The following SEPTIN11 variants were observed in gnomAD, a reference collection of about 807,000 sequenced individuals.
The protein encoded by SEPTIN11 is septin-11.
In SEPTIN11, 25 loss-of-function variants were observed where a neutral mutation model predicts 51.4. The observed-to-expected ratio is 0.49, with a 90% confidence interval of 0.35 to 0.68. The LOEUF (loss-of-function observed/expected upper bound fraction) is 0.68, where lower values mean the gene tolerates loss of function less well. Among genes scored for constraint, SEPTIN11 ranks in the 30% least tolerant of loss-of-function variants. The pLI is 0.00. For missense variants in SEPTIN11, 381 were observed against 520.8 expected (o/e 0.73, Z 2.61); for synonymous variants, 174 against 184.1 (o/e 0.95, Z 0.44).
At chr4:76,961,088 T>C (rs980607185) in intron 1 of SEPTIN11, among the ~76,000 whole-genome samples, 3 of 152,214 alleles carry the variant, frequency 2.0e-5, no homozygotes, top group Non-Finnish European at 2.9e-5. Flanking sequence ...CCTCCATGAC[T>C]GGGAGGATCT....
At chr4:77,033,066 T>C (rs1396243975) in intron 9 of SEPTIN11, among the ~76,000 whole-genome samples, 1 of 152,210 alleles carries the variant, frequency 6.6e-6, no homozygotes, top group East Asian at 1.9e-4. Context: ...ATGGCACATA[T>C]TTTTTGTATA....
chr4:77,034,766 G>C lies in SEPTIN11; in HGVS notation c.*254G>C. ...AGTAAATGATTTGCTTTTTATGCCT[G>C]TTCTGAATGGCAGCACGAAGCAGGC... is the stretch of plus-strand genomic sequence containing the variant. On this transcript the variant is annotated 3_prime_UTR_variant, in exon 10 of 10. Transcript: ENST00000264893. 8.4e-7 allele frequency: 1 copy of C among 1,190,176 alleles called. No homozygotes were observed. Among genetic ancestry groups the C allele is most frequent in the Non-Finnish European group, 1.0e-6 (1 of 959,768 alleles). The allele number at this position is 1,190,176 out of a possible 1,614,324, so 73.7% of individuals were successfully genotyped here.
At position 77,035,963 on chromosome 4, in the gene SEPTIN11, C is replaced by T. The variant is rs1000799282; in HGVS notation, c.*1451C>T. 13 of 985,744 alleles carry T rather than the reference C, an allele frequency of 1.3e-5. No homozygotes were observed. The highest frequency in any genetic ancestry group is 1.4e-5 in the Non-Finnish European group (12 of 829,964). 61.1% of individuals were successfully genotyped at this position (985,744 alleles called of 1,614,324 possible). On this transcript the variant is annotated 3_prime_UTR_variant, in exon 10 of 10. Coordinates refer to ENST00000264893, the MANE Select transcript of SEPTIN11 (RefSeq NM_018243.4). ...GAACCCACTGCCCCTCTGCATTTTC[C>T]TCACTGGTTAGAGATTAAGTAAATA...
intron 1 of SEPTIN11, among the ~76,000 whole-genome samples, chr4:76,968,809 A>ATAG (rs1722130030): frequency 1.3e-5 from 2 of 152,240 alleles, no homozygotes; most frequent in Admixed American, 6.5e-5. Flanking sequence ...AACTACAAAA[A>ATAG]TAGTAGCTTC....
intron 1 of SEPTIN11, among the ~76,000 whole-genome samples, chr4:76,979,983 G>A (rs1722691021): frequency 6.6e-6 from 1 of 152,090 alleles, no homozygotes; most frequent in Non-Finnish European, 1.5e-5. Context: ...TGAATGCCTT[G>A]TTTGTTTTTG....
At chr4:77,012,971 C>G (rs376219076) in intron 4 of SEPTIN11, among the ~76,000 whole-genome samples, 3 of 152,218 alleles carry the variant, frequency 2.0e-5, no homozygotes, top group South Asian at 2.1e-4. Context: ...GGAGCTGTGC[C>G]ATTAGCCATG....
At chr4:77,029,083 A>T (rs543060582) in intron 8 of SEPTIN11, among the ~76,000 whole-genome samples, 1 of 152,306 alleles carries the variant, frequency 6.6e-6, no homozygotes, top group South Asian at 2.1e-4. Context: ...CAAGTCTTAA[A>T]ACATGAGATT....
intron 1 of SEPTIN11, among the ~76,000 whole-genome samples, chr4:76,986,185 A>G (rs923685242): frequency 1.3e-5 from 2 of 152,126 alleles, no homozygotes; most frequent in Admixed American, 1.3e-4. Context: ...ATAACTGTGC[A>G]GATTTTATCA....
chr4:76,952,841 A>T lies in SEPTIN11; in HGVS notation c.27+2911A>T, dbSNP rs143895199. 8.6e-3 allele frequency among the ~76,000 whole-genome samples: 1,314 copies of T among 152,294 alleles called. 14 individuals are homozygous for T. Among genetic ancestry groups the T allele is most frequent in the African/African-American group, 0.03 (1,258 of 41,558 alleles). ...CCCAAGGGATGTGTCTGCATTTTGGATGAATTAGCATTTTTGCGTCCAAAT... is the reference window on the plus strand; with the variant it reads ...CCCAAGGGATGTGTCTGCATTTTGGTTGAATTAGCATTTTTGCGTCCAAAT... On this transcript the variant is annotated intron_variant, in intron 1 of 9. Transcript: ENST00000264893.
chr4:77,022,361 G>A (rs1439093841), intron 7 of SEPTIN11, among the ~76,000 whole-genome samples: 1 of 152,112 alleles, frequency 6.6e-6, no homozygotes, highest in Non-Finnish European at 1.5e-5. Flanking sequence ...ACCCATCTGG[G>A]CCTGAGTTTC....
chr4:76,964,921 G>A (rs1449668483), intron 1 of SEPTIN11, among the ~76,000 whole-genome samples: 1 of 152,202 alleles, frequency 6.6e-6, no homozygotes, highest in African/African-American at 2.4e-5. Context: ...CCTGAGAGAA[G>A]TAGCTTGATT....
At chr4:77,030,054 C>T (rs754471942) in intron 8 of SEPTIN11, among the ~76,000 whole-genome samples, 3 of 150,516 alleles carry the variant, frequency 2.0e-5, no homozygotes, top group African/African-American at 7.5e-5. Flanking sequence ...GTCAGGAGTT[C>T]GAGACCAGCC....
At chr4:76,968,745 G>A (rs965373813) in intron 1 of SEPTIN11, among the ~76,000 whole-genome samples, 9 of 152,198 alleles carry the variant, frequency 5.9e-5, no homozygotes, top group African/African-American at 1.7e-4. Flanking sequence ...TGATTTTACA[G>A]AATGTCCTAG....
chr4:77,006,363 C>G (rs1724478471), intron 3 of SEPTIN11, among the ~76,000 whole-genome samples: 1 of 151,928 alleles, frequency 6.6e-6, no homozygotes, highest in African/African-American at 2.4e-5. Flanking sequence ...TATCTTTTGC[C>G]CTTATTTGAG....
At position 77,011,780 on chromosome 4, in the gene SEPTIN11, C is replaced by T; in HGVS notation, c.384C>T (p.Tyr128=). The part of the protein sequence containing the change: ...VEYIDAQFEA[Y]LQEELKIKRS... The stretch of plus-strand genomic sequence containing the variant: ...ATATTGATGCCCAGTTCGAGGCCTA[C>T]CTGCAAGAGGAATTGAAGATTAAAC... Residue 128 remains tyrosine (Y), a synonymous_variant, in exon 4 of 10, where the codon TAC becomes TAT. Transcript: ENST00000264893. 2 of 1,614,108 alleles carry T rather than the reference C, an allele frequency of 1.2e-6. No homozygotes were observed. The highest frequency in any genetic ancestry group is 1.7e-6 in the Non-Finnish European group (2 of 1,179,976).
intron 9 of SEPTIN11, among the ~76,000 whole-genome samples, chr4:77,032,884 A>G (rs1179550971): frequency 6.6e-6 from 1 of 151,562 alleles, no homozygotes; most frequent in Non-Finnish European, 1.5e-5. Context: ...GCCCTTTTGA[A>G]CATGTTAGGT....
intron 1 of SEPTIN11, among the ~76,000 whole-genome samples, chr4:76,970,288 T>C (rs113324719): frequency 1.4e-4 from 21 of 152,346 alleles, no homozygotes; most frequent in African/African-American, 4.3e-4. Flanking sequence ...TACTGTGTTG[T>C]ACCATAATAG....
chr4:76,951,994 G>T (rs901171209), intron 1 of SEPTIN11, among the ~76,000 whole-genome samples: 1 of 152,198 alleles, frequency 6.6e-6, no homozygotes, highest in South Asian at 2.1e-4. Flanking sequence ...AAAGACAGAA[G>T]ACTTTTCTTT....
chr4:77,025,633 A>G, intron 7 of SEPTIN11, among the ~76,000 whole-genome samples: 1 of 152,092 alleles, frequency 6.6e-6, no homozygotes, highest in East Asian at 1.9e-4. Context: ...GACTGGAAAT[A>G]TTAGTGAGGG....
Sources: gnomAD v4.1 joint callset for allele counts (sites outside exome capture counted in the v4.1 genomes callset) on GRCh38, gnomAD v4.1.1 for gene constraint, MANE v1.5 for transcripts, NCBI Gene and HGNC (gene_info 2026-07-23, HGNC 2026-07-21) for gene names.